CNTNAP2: variants seen among roughly 807,000 people sequenced by gnomAD.
CNTNAP2 encodes the protein contactin associated protein 2.
Under a neutral mutation model 155.2 loss-of-function variants are expected in CNTNAP2, and 98 were observed. The ratio of observed to expected loss-of-function variants is 0.63; its 90% CI spans 0.54 to 0.75. The LOEUF is 0.75. Ranked by LOEUF, CNTNAP2 falls within the 30% of genes least tolerant of loss-of-function variation. CNTNAP2 has a pLI of 0.00. For missense variants in CNTNAP2, 1,727 were observed against 1,688.1 expected (o/e 1.02, Z -0.40); for synonymous variants, 651 against 631.2 (o/e 1.03, Z -0.47).
At chr7:146,711,444 A>C (rs1444845956) in intron 1 of CNTNAP2, among the ~76,000 whole-genome samples, 2 of 147,892 alleles carry the variant, frequency 1.4e-5, no homozygotes, top group Non-Finnish European at 3.0e-5. Flanking sequence ...ATAGGTATAT[A>C]TGTTCATATT....
chr7:148,001,069 C>T (rs894744530), intron 15 of CNTNAP2, among the ~76,000 whole-genome samples: 2 of 152,184 alleles, frequency 1.3e-5, no homozygotes, highest in Non-Finnish European at 2.9e-5. Context: ...TTAGGACCCA[C>T]GCTAATTTAG....
chr7:147,896,027 A>G (rs1186397486), intron 13 of CNTNAP2, among the ~76,000 whole-genome samples: 3 of 152,216 alleles, frequency 2.0e-5, no homozygotes, highest in Admixed American at 2.0e-4. Flanking sequence ...AACAACATCA[A>G]TTTTGCATCA....
intron 13 of CNTNAP2, among the ~76,000 whole-genome samples, chr7:147,757,290 TTCTTA>T (rs1300435408): frequency 6.6e-6 from 1 of 152,222 alleles, no homozygotes; most frequent in Non-Finnish European, 1.5e-5. Context: ...TATTTTTCTT[TTCTTA>T]TGTTTTTCAC....
At chr7:146,427,605 A>G (rs943126834) in intron 1 of CNTNAP2, among the ~76,000 whole-genome samples, 3 of 152,172 alleles carry the variant, frequency 2.0e-5, no homozygotes, top group Non-Finnish European at 1.5e-5. Flanking sequence ...GATCTGGATA[A>G]CAAGAAACTG....
At chr7:147,722,414 A>G (rs750548428) in intron 13 of CNTNAP2, among the ~76,000 whole-genome samples, 3 of 152,112 alleles carry the variant, frequency 2.0e-5, no homozygotes, top group Non-Finnish European at 2.9e-5. Context: ...AGGCACATGG[A>G]TTTTTTAAAA....
intron 1 of CNTNAP2, among the ~76,000 whole-genome samples, chr7:146,177,748 A>G (rs545563325): frequency 2.0e-5 from 3 of 152,326 alleles, no homozygotes; most frequent in Admixed American, 2.0e-4. Flanking sequence ...TATGTAAGAA[A>G]TCCTTTGGCT....
chr7:148,369,795 C>T lies in CNTNAP2; in HGVS notation c.3476-13854C>T, dbSNP rs115859123. On this transcript the variant is annotated intron_variant, in intron 21 of 23. Coordinates refer to ENST00000361727, the MANE Select transcript of CNTNAP2 (RefSeq NM_014141.6). ...CACATACTGGCCAAGTCCGGCTCTACGCCCTGTGTGTACAGATATGTCTTC... is the reference window on the plus strand; with the variant it reads ...CACATACTGGCCAAGTCCGGCTCTATGCCCTGTGTGTACAGATATGTCTTC... Among the ~76,000 whole-genome samples the T allele has an allele frequency of 4.8e-3, 727 of 152,124 alleles. 7 individuals are homozygous for T. The highest frequency in any genetic ancestry group is 0.016 in the African/African-American group (653 of 41,490).
intron 12 of CNTNAP2, among the ~76,000 whole-genome samples, chr7:147,610,660 G>C (rs6967426): frequency 0.69 from 104,143 of 151,948 alleles, 36,125 homozygotes; most frequent in African/African-American, 0.78. Context: ...GCCCAGGGGA[G>C]TTTTAGGGGA....
intron 1 of CNTNAP2, among the ~76,000 whole-genome samples, chr7:146,405,068 T>C (rs1267587582): frequency 6.6e-6 from 1 of 152,048 alleles, no homozygotes; most frequent in Non-Finnish European, 1.5e-5. Context: ...CCTCAAGATA[T>C]TTGGAATTGG....
chr7:147,128,544 T>G (rs1473467878), intron 6 of CNTNAP2, 149 bp from the exon 7 acceptor site: 1 of 782,624 alleles, frequency 1.3e-6, no homozygotes, highest in Non-Finnish European at 2.1e-6. Context: ...CAACATAATT[T>G]AATATGCCAT....
chr7:147,346,989 TACAC>T (rs1795874435), intron 9 of CNTNAP2, among the ~76,000 whole-genome samples: 1 of 152,054 alleles, frequency 6.6e-6, no homozygotes, highest in Non-Finnish European at 1.5e-5. Flanking sequence ...GAACAAAAAA[TACAC>T]ACTAGTCATT....
chr7:148,144,557 A>G (rs891361232), intron 16 of CNTNAP2, among the ~76,000 whole-genome samples: 6 of 152,210 alleles, frequency 3.9e-5, no homozygotes, highest in African/African-American at 1.4e-4. Flanking sequence ...TGGTTCTGCC[A>G]GCATCATCAA....
chr7:147,725,500 G>T (rs1796626014), intron 13 of CNTNAP2, among the ~76,000 whole-genome samples: 1 of 151,880 alleles, frequency 6.6e-6, no homozygotes, highest in South Asian at 2.1e-4. Context: ...GGAGCAAGGA[G>T]AATATATCAT....
At chr7:147,606,791 G>A (rs1172632684) in intron 12 of CNTNAP2, among the ~76,000 whole-genome samples, 1 of 152,066 alleles carries the variant, frequency 6.6e-6, no homozygotes, top group African/African-American at 2.4e-5. Context: ...GCGGTTTTGG[G>A]AAGTGATTGG....
At chr7:147,688,664 C>T (rs996001476) in intron 13 of CNTNAP2, among the ~76,000 whole-genome samples, 1 of 152,130 alleles carries the variant, frequency 6.6e-6, no homozygotes, top group Non-Finnish European at 1.5e-5. Flanking sequence ...TCCATACCAG[C>T]GAGCCTGGCA....
intron 20 of CNTNAP2, among the ~76,000 whole-genome samples, chr7:148,238,606 C>A (rs746492940): frequency 4.6e-5 from 7 of 152,104 alleles, no homozygotes; most frequent in Non-Finnish European, 7.4e-5. Flanking sequence ...GACTTTATAG[C>A]GTTTCGTAGG....
intron 13 of CNTNAP2, among the ~76,000 whole-genome samples, chr7:147,757,577 T>C (rs1254704970): frequency 6.6e-6 from 1 of 152,216 alleles, no homozygotes; most frequent in Non-Finnish European, 1.5e-5. Flanking sequence ...AACTAATGCC[T>C]ACATTAGCAC....
At chr7:147,437,125 A>G (rs74467422) in intron 10 of CNTNAP2, among the ~76,000 whole-genome samples, 2 of 152,078 alleles carry the variant, frequency 1.3e-5, no homozygotes, top group Admixed American at 6.6e-5. Context: ...CGGAACTAGT[A>G]TGTGGCCTGG....
chr7:146,536,017 G>A (rs1797863828), intron 1 of CNTNAP2, among the ~76,000 whole-genome samples: 2 of 152,082 alleles, frequency 1.3e-5, no homozygotes, highest in Non-Finnish European at 1.5e-5. Flanking sequence ...GGTAAGTATT[G>A]TGCTGCAACA....
Sources: gnomAD v4.1 joint callset for allele counts (sites outside exome capture counted in the v4.1 genomes callset) on GRCh38, gnomAD v4.1.1 for gene constraint, MANE v1.5 for transcripts, NCBI Gene and HGNC (gene_info 2026-07-23, HGNC 2026-07-21) for gene names.